CNTNAP2: variants seen among roughly 807,000 people sequenced by gnomAD.
CNTNAP2 encodes the protein contactin-associated protein-like 2.
In CNTNAP2, 98 loss-of-function variants were observed where a neutral mutation model predicts 155.2. That is an observed-to-expected ratio of 0.63 (90% CI 0.54 to 0.75). CNTNAP2 has a LOEUF of 0.75. Ranked by LOEUF, CNTNAP2 falls within the 30% of genes least tolerant of loss-of-function variation. CNTNAP2 has a pLI of 0.00. For synonymous variants in CNTNAP2, 651 were observed against 631.2 expected (o/e 1.03, Z -0.47); for missense variants, 1,727 against 1,688.1 (o/e 1.02, Z -0.40).
At chr7:148,143,622 T>C (rs532783368) in intron 16 of CNTNAP2, among the ~76,000 whole-genome samples, 1 of 152,266 alleles carries the variant, frequency 6.6e-6, no homozygotes, top group South Asian at 2.1e-4. Context: ...AAGGCTGCAG[T>C]CAGCTATGAT....
At chr7:148,051,379 A>C (rs1802886505) in intron 15 of CNTNAP2, among the ~76,000 whole-genome samples, 1 of 152,044 alleles carries the variant, frequency 6.6e-6, no homozygotes, top group Admixed American at 6.6e-5. Flanking sequence ...GGCCATCCGG[A>C]AGTTATGCAA....
chr7:147,800,916 C>T (rs1052123219), intron 13 of CNTNAP2, among the ~76,000 whole-genome samples: 1 of 152,202 alleles, frequency 6.6e-6, no homozygotes, highest in African/African-American at 2.4e-5. Context: ...AGGTTTGCAG[C>T]CTAGAAGCAA....
intron 21 of CNTNAP2, among the ~76,000 whole-genome samples, chr7:148,288,041 TGG>T (rs1167005276): frequency 6.7e-6 from 1 of 149,742 alleles, no homozygotes; most frequent in Non-Finnish European, 1.5e-5. Flanking sequence ...CGGCCCGCCT[TGG>T]CCCCCCAAAG....
intron 1 of CNTNAP2, among the ~76,000 whole-genome samples, chr7:146,117,455 C>G (rs2116711984): frequency 6.6e-6 from 1 of 152,150 alleles, no homozygotes; most frequent in African/African-American, 2.4e-5. Flanking sequence ...TAACCTCTCC[C>G]GTTCCCTTAA....
intron 1 of CNTNAP2, among the ~76,000 whole-genome samples, chr7:146,280,230 A>G (rs897614240): frequency 2.6e-5 from 4 of 152,252 alleles, no homozygotes; most frequent in Non-Finnish European, 4.4e-5. Flanking sequence ...GCAAAAAACA[A>G]TAGGTGAGAA....
chr7:146,291,490 G>A lies in CNTNAP2; in HGVS notation c.97+174517G>A, dbSNP rs1053255489. 7.2e-5 allele frequency among the ~76,000 whole-genome samples: 11 copies of A among 152,026 alleles called. 1 individual carries two copies. The highest frequency in any genetic ancestry group is 1.5e-4 in the Non-Finnish European group (10 of 68,020). On this transcript the variant is annotated intron_variant, in intron 1 of 23. Transcript: ENST00000361727. Reference sequence around the variant, plus strand: ...CTATGTTACTTTGAGAGAGGTGAGTGGCAGCCACAGAAACCATATGTGTCC... The same window carrying A: ...CTATGTTACTTTGAGAGAGGTGAGTAGCAGCCACAGAAACCATATGTGTCC...
At chr7:146,508,596 T>C (rs1797419644) in intron 1 of CNTNAP2, among the ~76,000 whole-genome samples, 1 of 152,200 alleles carries the variant, frequency 6.6e-6, no homozygotes, top group Non-Finnish European at 1.5e-5. Flanking sequence ...CAATTCCACA[T>C]GTGGCCTCCT....
At chr7:146,608,966 T>C (rs1799091212) in intron 1 of CNTNAP2, among the ~76,000 whole-genome samples, 1 of 152,072 alleles carries the variant, frequency 6.6e-6, no homozygotes, top group Non-Finnish European at 1.5e-5. Context: ...TATTTCCAAG[T>C]TAGGGAAATA....
intron 11 of CNTNAP2, among the ~76,000 whole-genome samples, chr7:147,487,162 G>A (rs1798524460): frequency 6.6e-6 from 1 of 152,008 alleles, no homozygotes; most frequent in South Asian, 2.1e-4. Context: ...TGAATATATT[G>A]TAAAATGTTG....
intron 1 of CNTNAP2, among the ~76,000 whole-genome samples, chr7:146,307,027 G>A (rs1421547734): frequency 2.0e-5 from 3 of 152,182 alleles, no homozygotes. Context: ...TTTAGGAAAA[G>A]AGGAAGTCAA....
intron 3 of CNTNAP2, among the ~76,000 whole-genome samples, chr7:146,889,093 T>A (rs1483189367): frequency 1.3e-5 from 2 of 152,044 alleles, no homozygotes; most frequent in Non-Finnish European, 2.9e-5. Flanking sequence ...GTGATGATGG[T>A]TTCACCAGCA....
intron 1 of CNTNAP2, among the ~76,000 whole-genome samples, chr7:146,605,558 A>G (rs541757514): frequency 6.6e-6 from 1 of 152,334 alleles, no homozygotes; most frequent in South Asian, 2.1e-4. Flanking sequence ...ATGTAAATTC[A>G]GGAAGAAATA....
chr7:146,933,001 G>A (rs1796813016), intron 3 of CNTNAP2, among the ~76,000 whole-genome samples: 1 of 152,062 alleles, frequency 6.6e-6, no homozygotes, highest in Admixed American at 6.6e-5. Context: ...TCGTGAAAAT[G>A]GCCATACTGC....
At chr7:146,820,769 T>A (rs1042537045) in intron 2 of CNTNAP2, among the ~76,000 whole-genome samples, 7 of 152,300 alleles carry the variant, frequency 4.6e-5, no homozygotes, top group Admixed American at 3.9e-4. Context: ...AGTGGGGTGT[T>A]AAAGTCTCCC....
At chr7:147,483,559 G>A (rs1252368225) in intron 10 of CNTNAP2, among the ~76,000 whole-genome samples, 3 of 152,046 alleles carry the variant, frequency 2.0e-5, no homozygotes, top group Admixed American at 6.6e-5. Context: ...CTGCTACTTA[G>A]TACCCTTCTG....
chr7:148,251,067 C>A (rs937736856), intron 20 of CNTNAP2, among the ~76,000 whole-genome samples: 3 of 152,120 alleles, frequency 2.0e-5, no homozygotes, highest in African/African-American at 7.2e-5. Context: ...GCAAAGACTT[C>A]TAGAACCAAC....
intron 1 of CNTNAP2, among the ~76,000 whole-genome samples, chr7:146,567,513 A>T (rs1798376029): frequency 6.6e-6 from 1 of 152,210 alleles, no homozygotes; most frequent in African/African-American, 2.4e-5. Flanking sequence ...GAAAAACTTT[A>T]AAGTAGAATT....
At chr7:147,246,078 AT>A (rs1211250520) in intron 8 of CNTNAP2, among the ~76,000 whole-genome samples, 2 of 149,910 alleles carry the variant, frequency 1.3e-5, no homozygotes, top group Non-Finnish European at 3.0e-5. Context: ...GCATATATAT[AT>A]ATACATATAT....
intron 8 of CNTNAP2, among the ~76,000 whole-genome samples, chr7:147,173,889 G>C (rs1325066996): frequency 3.3e-5 from 5 of 152,124 alleles, no homozygotes; most frequent in Admixed American, 3.3e-4. Context: ...CAGAATTGGG[G>C]AGTGAGTATA....
Sources: allele counts gnomAD v4.1 joint callset (sites outside exome capture counted in the v4.1 genomes callset), GRCh38; gene constraint gnomAD v4.1.1; transcripts MANE v1.5; gene names NCBI Gene and HGNC (gene_info 2026-07-23, HGNC 2026-07-21).